RBM23: variants seen among roughly 807,000 people sequenced by gnomAD.
The protein encoded by RBM23 is RNA binding motif protein 23.
In RBM23, 53 loss-of-function variants were observed where a neutral mutation model predicts 56.2. The ratio of observed to expected loss-of-function variants is 0.94; its 90% CI spans 0.76 to 1.19. The LOEUF is 1.19. Among genes scored for constraint, RBM23 ranks in the 50% most tolerant of loss-of-function variants. The pLI, the probability that RBM23 is intolerant of heterozygous loss-of-function variation, is 0.00. For missense variants in RBM23, 642 were observed against 590.3 expected (o/e 1.09, Z -0.91); for synonymous variants, 197 against 198.5 (o/e 0.99, Z 0.06).
At chr14:22,905,539 AAT>A in intron 6 of RBM23, 65 bp downstream of exon 6, 1 of 1,594,446 alleles carries the variant, frequency 6.3e-7, no homozygotes, top group South Asian at 1.1e-5. Context: ...ACATTCCTGT[AAT>A]TTGGCTCAAA....
At chr14:22,915,818 A>G (rs772935644) in intron 1 of RBM23, among the ~76,000 whole-genome samples, 2 of 152,128 alleles carry the variant, frequency 1.3e-5, no homozygotes, top group Non-Finnish European at 2.9e-5. Flanking sequence ...GTAACACTTT[A>G]TATTTATTTA....
Position 22,901,458 on chromosome 14 carries a change from CAG to C in RBM23, c.*270_*271del, listed in dbSNP as rs1430452760. ...GTTGGAAAGGGCAAGAAGGTAATCT[CAG>C]AGACGATACACATGGAGAAACAGGT... On this transcript the variant is annotated 3_prime_UTR_variant, in exon 14 of 14. Coordinates refer to ENST00000359890, the MANE Select transcript of RBM23 (RefSeq NM_001077351.2). The C allele has an allele frequency of 1.2e-5, 7 of 577,952 alleles. No individual in the cohort carries two copies. The highest frequency in any genetic ancestry group is 1.9e-5 in the Non-Finnish European group (6 of 323,798). 35.8% of individuals were successfully genotyped at this position (577,952 alleles called of 1,614,324 possible). A position where few individuals can be genotyped will look rare whatever the true frequency, so the allele number is the denominator to read the frequency against.
chr14:22,905,438 A>T lies in RBM23; in HGVS notation c.471T>A (p.Asn157Lys), dbSNP rs1268290256. The part of the protein sequence containing the change: ...EKSPVREPVD[N>K]LSPEERDART... ...GGGCATCACGCTCCTCAGGACTCAG[A>T]TTATCAACTGGCTCCCTGAAGAGTG... is the stretch of plus-strand genomic sequence containing the variant. The change falls in exon 7 of 14, where the codon AAT becomes AAA. Residue 157 changes from asparagine to lysine, a missense_variant. Coordinates refer to ENST00000359890, the MANE Select transcript of RBM23 (RefSeq NM_001077351.2). 1.2e-6 allele frequency: 2 copies of T among 1,614,202 alleles called. No homozygotes were observed.
In RBM23 at chr14:22,898,950, T is replaced by C. The variant is rs1308874511; in HGVS notation, c.*2780A>G. ...ATAGCCAGCAGCTTCTACCTAAAAA[T>C]AGTGCATCCTCCTTCCCTTTTCCCC... On this transcript the variant is annotated 3_prime_UTR_variant, in exon 14 of 14. Transcript: ENST00000359890. 6.6e-6 allele frequency: 1 copy of C among 152,058 alleles called. No homozygotes were observed. The highest frequency in any genetic ancestry group is 6.6e-5 in the Admixed American group (1 of 15,242). 9.4% of individuals were successfully genotyped at this position (152,058 alleles called of 1,614,324 possible). A position where few individuals can be genotyped will look rare whatever the true frequency, so the allele number is the denominator to read the frequency against.
At position 22,902,756 on chromosome 14, in the gene RBM23, C is replaced by CCTTTT. The variant is rs1555336814; in HGVS notation, c.931-375_931-374insAAAAG. 194 of 460,796 alleles carry CCTTTT rather than the reference C, an allele frequency of 4.2e-4. 60 individuals are homozygous for CCTTTT. The highest frequency in any genetic ancestry group is 3.5e-3 in the East Asian group (9 of 2,572). The allele number at this position is 460,796 out of a possible 1,614,324, so 28.5% of individuals were successfully genotyped here. The stretch of plus-strand genomic sequence containing the variant: ...GTTCTCTATCCTAGTAAGTTTTAGT[C>CCTTTT]TTTTTTTTTTTTTTTTTTTTTTTTT... On this transcript the variant is annotated intron_variant, in intron 10 of 13. Transcript: ENST00000359890.
At chr14:22,918,551 T>C (rs531827736) in intron 1 of RBM23, among the ~76,000 whole-genome samples, 43 of 152,154 alleles carry the variant, frequency 2.8e-4, no homozygotes, top group Non-Finnish European at 3.7e-4. Flanking sequence ...AAGGTCAACA[T>C]AGTGAACATG....
At chr14:22,913,545 T>C (rs1241488244) in intron 1 of RBM23, among the ~76,000 whole-genome samples, 3 of 151,672 alleles carry the variant, frequency 2.0e-5, no homozygotes, top group African/African-American at 7.3e-5. Context: ...GTGGATCACC[T>C]GAGGTCAGGA....
rs1174123994 is a variant in RBM23 at position 22,902,739 on chromosome 14, T to C, written c.931-357A>G. ...CCTGGGCTTTTAATTCAGTTCTCTATCCTAGTAAGTTTTAGTCTTTTTTTT... is the reference window on the plus strand; with the variant it reads ...CCTGGGCTTTTAATTCAGTTCTCTACCCTAGTAAGTTTTAGTCTTTTTTTT... On this transcript the variant is annotated intron_variant, in intron 10 of 13. Coordinates refer to ENST00000359890, the MANE Select transcript of RBM23 (RefSeq NM_001077351.2). 9.2e-6 allele frequency: 5 copies of C among 541,556 alleles called. No individual in the cohort carries two copies. The East Asian group carries it at 7.4e-4, about 80-fold the overall frequency. 33.5% of individuals were successfully genotyped at this position (541,556 alleles called of 1,614,324 possible).
At chr14:22,914,624 T>TA (rs879886119) in intron 1 of RBM23, among the ~76,000 whole-genome samples, 192 of 146,106 alleles carry the variant, frequency 1.3e-3, no homozygotes, top group Admixed American at 1.4e-3. Context: ...ATCATGCCGT[T>TA]AAAAAAAAAA....
In RBM23 at chr14:22,912,311, G is replaced by T. The variant is rs371504935; in HGVS notation, c.-10-908C>A. 2.0e-5 allele frequency among the ~76,000 whole-genome samples: 3 copies of T among 152,162 alleles called. No homozygotes were observed. In the East Asian group the frequency reaches 5.8e-4, roughly 29 times the overall value. On this transcript the variant is annotated intron_variant, in intron 1 of 13. Coordinates refer to ENST00000359890, the MANE Select transcript of RBM23 (RefSeq NM_001077351.2). The stretch of plus-strand genomic sequence containing the variant: ...TAACGTCTTCCTCTCCGCATACCCT[G>T]AACACCAATAATTAGGGCCTTATCC...
intron 1 of RBM23, 81 bp downstream of exon 1, chr14:22,918,918 G>A (rs952223925): frequency 1.3e-5 from 2 of 152,100 alleles, no homozygotes; most frequent in Non-Finnish European, 2.9e-5. Flanking sequence ...TTTTCTGCCC[G>A]TGACGTCAGG....
intron 4 of RBM23, among the ~76,000 whole-genome samples, chr14:22,906,901 C>T (rs1316988214): frequency 6.6e-6 from 1 of 152,038 alleles, no homozygotes; most frequent in Non-Finnish European, 1.5e-5. Context: ...AGACCAGGCA[C>T]GGTGGCTCAC....
At chr14:22,917,765 A>G (rs572896839) in intron 1 of RBM23, 14 of 152,260 alleles carry the variant, frequency 9.2e-5, no homozygotes, top group African/African-American at 3.1e-4. Flanking sequence ...GTCAAGGTCC[A>G]CTCAATCTCA....
Position 22,908,658 on chromosome 14 carries a change from T to C in RBM23, c.180-278A>G, listed in dbSNP as rs2139012922. 3 of 324,016 alleles carry C rather than the reference T, an allele frequency of 9.3e-6. No individual in the cohort carries two copies. The East Asian group carries it at 2.1e-4, about 23-fold the overall frequency. The allele number at this position is 324,016 out of a possible 1,614,324, so 20.1% of individuals were successfully genotyped here. On this transcript the variant is annotated intron_variant, in intron 3 of 13. Coordinates refer to ENST00000359890, the MANE Select transcript of RBM23 (RefSeq NM_001077351.2). ...ATCCACCTGCCTCAGCCTCCCAAAGTGCTGGGATTACATGCATGAGCCCCG... is the reference window on the plus strand; with the variant it reads ...ATCCACCTGCCTCAGCCTCCCAAAGCGCTGGGATTACATGCATGAGCCCCG...
chr14:22,899,002 A>C lies in RBM23; in HGVS notation c.*2728T>G, dbSNP rs984121514. 1 of 152,166 alleles carries C rather than the reference A, an allele frequency of 6.6e-6. No homozygotes were observed. Among genetic ancestry groups the C allele is most frequent in the Non-Finnish European group, 1.5e-5 (1 of 68,060 alleles). The allele number at this position is 152,166 out of a possible 1,614,324, so 9.4% of individuals were successfully genotyped here. On this transcript the variant is annotated 3_prime_UTR_variant, in exon 14 of 14. Transcript: ENST00000359890. ...GGTCCAGAAAGCAAACTAGGATAAG[A>C]TGGGGGAAGGGATGGGGGTGGTAAC...
intron 5 of RBM23, 130 bp downstream of exon 5, chr14:22,906,065 C>A: frequency 1.8e-6 from 2 of 1,136,910 alleles, no homozygotes; most frequent in Non-Finnish European, 2.5e-6. Context: ...GAATACCAAC[C>A]CTTTCTGTGC....
chr14:22,902,046 G>GGGA lies in RBM23; in HGVS notation c.1179_1180insTCC (p.Ala393_Gln394insSer). On this transcript the variant is annotated inframe_insertion, in exon 12 of 14. Coordinates refer to ENST00000359890, the MANE Select transcript of RBM23 (RefSeq NM_001077351.2). The stretch of plus-strand genomic sequence containing the variant: ...CCATTCAGTTGCAAGGCAGCAGCCT[G>GGGA]GGCGGCGGCGGCAGCAGCAGCAGCA... 6.5e-7 allele frequency: 1 copy of GGGA among 1,546,500 alleles called. No homozygotes were observed. The highest frequency in any genetic ancestry group is 1.2e-5 in the South Asian group (1 of 86,408).
chr14:22,901,750 T>C lies in RBM23; in HGVS notation c.1317-17A>G. ...CTGATTTACCTGTGGAAAGAAGAGG[T>C]AAATGGGAAGCCAAAGGAAAGAGAA... is the stretch of plus-strand genomic sequence containing the variant. On this transcript the variant is annotated splice_polypyrimidine_tract_variant and intron_variant, in intron 13 of 13. Coordinates refer to ENST00000359890, the MANE Select transcript of RBM23 (RefSeq NM_001077351.2). 1 of 1,613,458 alleles carries C rather than the reference T, an allele frequency of 6.2e-7. No individual in the cohort carries two copies. The highest frequency in any genetic ancestry group is 8.5e-7 in the Non-Finnish European group (1 of 1,179,678).
intron 9 of RBM23, 148 bp downstream of exon 9, chr14:22,904,727 G>T: frequency 8.4e-7 from 1 of 1,195,692 alleles, no homozygotes; most frequent in Non-Finnish European, 1.2e-6. Flanking sequence ...CAGAGATGGA[G>T]CCAAACTTTC....
Sources: allele counts gnomAD v4.1 joint callset (sites outside exome capture counted in the v4.1 genomes callset), GRCh38; gene constraint gnomAD v4.1.1; transcripts MANE v1.5; gene names NCBI Gene and HGNC (gene_info 2026-07-23, HGNC 2026-07-21).